The following TUBGCP5 variants were observed in gnomAD, a reference collection of about 807,000 sequenced individuals.
TUBGCP5 encodes the protein tubulin gamma complex component 5, also known as gamma-tubulin complex component 5.
A neutral mutation model predicts 134.7 loss-of-function variants in TUBGCP5; 98 were observed. That is an observed-to-expected ratio of 0.73 (90% CI 0.62 to 0.86). TUBGCP5 has a LOEUF of 0.86. TUBGCP5 is among the 40% of genes least tolerant of loss of function. The pLI, the probability that TUBGCP5 is intolerant of heterozygous loss-of-function variation, is 0.00. For missense variants in TUBGCP5, 1,150 were observed against 1,244.8 expected, an observed-to-expected ratio of 0.92 and a Z score of 1.15; for synonymous variants, 456 against 431.4, an observed-to-expected ratio of 1.06 and a Z score of -0.71.
chr15:23,006,425 G>A lies in TUBGCP5; in HGVS notation c.2328-73C>T. On this transcript the variant is annotated intron_variant, in intron 16 of 22. Coordinates refer to ENST00000615383, the MANE Select transcript of TUBGCP5 (RefSeq NM_052903.6). ...CAAAAATGCTCTTTTAAAATAATTGGTATTTCATTTACATAATATTCCCCA... is the reference window on the plus strand; with the variant it reads ...CAAAAATGCTCTTTTAAAATAATTGATATTTCATTTACATAATATTCCCCA... The A allele has an allele frequency of 6.7e-6, 7 of 1,040,956 alleles. 1 individual carries two copies. Among genetic ancestry groups the A allele is most frequent in the South Asian group, 1.5e-5 (1 of 67,664 alleles). 64.5% of individuals were successfully genotyped at this position (1,040,956 alleles called of 1,614,324 possible). A position where few individuals can be genotyped will look rare whatever the true frequency, so the allele number is the denominator to read the frequency against.
intron 1 of TUBGCP5, among the ~76,000 whole-genome samples, chr15:23,038,882 C>T (rs913347562): frequency 5.3e-5 from 8 of 152,074 alleles, no homozygotes; most frequent in Admixed American, 5.2e-4. Flanking sequence ...AGAGATGCAG[C>T]ATTCTAGCTG....
At chr15:23,008,561 AT>A (rs1445306639) in intron 16 of TUBGCP5, 137 bp downstream of exon 16, 1 of 1,171,482 alleles carries the variant, frequency 8.5e-7, no homozygotes, top group Non-Finnish European at 1.2e-6. Context: ...CCTGGCCTCC[AT>A]TTTCTAATAA....
chr15:22,994,723 G>C (rs532385358), downstream of TUBGCP5, among the ~76,000 whole-genome samples: 41 of 152,322 alleles, frequency 2.7e-4, no homozygotes, highest in African/African-American at 8.7e-4. Context: ...TAAACACCTA[G>C]GAGTGGGATT....
At chr15:22,995,580 A>C (rs2064030817), downstream of TUBGCP5, among the ~76,000 whole-genome samples, 1 of 151,656 alleles carries the variant, frequency 6.6e-6, no homozygotes, top group South Asian at 2.1e-4. Flanking sequence ...GTCTCAAAAA[A>C]AAAAAAAAAC....
intron 3 of TUBGCP5, among the ~76,000 whole-genome samples, chr15:23,034,405 A>C (rs2066469974): frequency 6.6e-6 from 1 of 152,236 alleles, no homozygotes; most frequent in African/African-American, 2.4e-5. Context: ...TAATATGCTA[A>C]GAGTGCTAAT....
intron 23 of TUBGCP5, among the ~76,000 whole-genome samples, chr15:22,985,100 T>C (rs539525675): frequency 6.6e-6 from 1 of 152,324 alleles, no homozygotes; most frequent in Admixed American, 6.5e-5. Flanking sequence ...TGGAAGTCTT[T>C]TATAAAATTC....
At chr15:22,991,247 A>G (rs2063834949) in intron 23 of TUBGCP5, among the ~76,000 whole-genome samples, 1 of 151,986 alleles carries the variant, frequency 6.6e-6, no homozygotes, top group Non-Finnish European at 1.5e-5. Flanking sequence ...ACAGGCGCAC[A>G]CCACCACACC....
rs1433411684 is a variant in TUBGCP5, at chr15:23,039,379, C to A, written c.146+19G>T. On this transcript the variant is annotated intron_variant, in intron 1 of 22. Coordinates refer to ENST00000615383, the MANE Select transcript of TUBGCP5 (RefSeq NM_052903.6). ...TCCGGGCTGTGGCCGGGAACCCGCC[C>A]GCGCGCCGTGCCCCACACCTGAAGT... is the stretch of plus-strand genomic sequence containing the variant. The A allele has an allele frequency of 1.4e-6, 2 of 1,416,060 alleles. No homozygotes were observed. The highest frequency in any genetic ancestry group is 5.2e-5 in the Admixed American group (2 of 38,428). 87.7% of individuals were successfully genotyped at this position (1,416,060 alleles called of 1,614,324 possible).
At position 23,000,584 on chromosome 15, in the gene TUBGCP5, C is replaced by T. The variant is rs907352347; in HGVS notation, c.3013G>A (p.Gly1005Arg). The T allele has an allele frequency of 6.2e-7, 1 of 1,611,896 alleles. No homozygotes were observed. Among genetic ancestry groups the T allele is most frequent in the African/African-American group, 1.3e-5 (1 of 74,874 alleles). ...VTILNKAVCRGSFPHLESLAL... is the reference protein window; with the variant it reads ...VTILNKAVCRRSFPHLESLAL... ...ATATACTCACAATGGGGAAAGGATCCTCTACAGACGGCTTTGTTTAAAATG... is the reference window on the plus strand; with the variant it reads ...ATATACTCACAATGGGGAAAGGATCTTCTACAGACGGCTTTGTTTAAAATG... The change falls in exon 22 of 23, where the codon GGA (glycine) becomes AGA (arginine). Residue 1005 changes from glycine to arginine, a missense_variant. Around this residue, in one of 2 missense-constraint regions of TUBGCP5, gnomAD observed 697 missense variants for 850.1 expected, o/e 0.82. Transcript: ENST00000615383.
chr15:23,028,502 A>G (rs2066111398), intron 6 of TUBGCP5, among the ~76,000 whole-genome samples: 1 of 152,146 alleles, frequency 6.6e-6, no homozygotes, highest in African/African-American at 2.4e-5. Flanking sequence ...CAGAAAATCT[A>G]TCGATGCATT....
chr15:22,997,608 T>C (rs1476212908), downstream of TUBGCP5, among the ~76,000 whole-genome samples: 1 of 150,302 alleles, frequency 6.7e-6, no homozygotes, highest in Admixed American at 6.6e-5. Context: ...AGCTTTCATA[T>C]TTTTTTTCTT....
chr15:22,999,593 G>T lies in TUBGCP5; in HGVS notation c.*227C>A. 1 of 546,364 alleles carries T rather than the reference G, an allele frequency of 1.8e-6. No homozygotes were observed. The highest frequency in any genetic ancestry group is 3.3e-6 in the Non-Finnish European group (1 of 304,394). 33.8% of individuals were successfully genotyped at this position (546,364 alleles called of 1,614,324 possible). ...ATTTTGTATTTTTGGTAGACACCGGGTTTCACCATGTTGCCCAGGCTGGCC... is the reference window on the plus strand; with the variant it reads ...ATTTTGTATTTTTGGTAGACACCGGTTTTCACCATGTTGCCCAGGCTGGCC... On this transcript the variant is annotated 3_prime_UTR_variant, in exon 23 of 23. Transcript: ENST00000615383.
downstream of TUBGCP5, among the ~76,000 whole-genome samples, chr15:22,994,646 T>C (rs1382158988): frequency 1.3e-5 from 2 of 152,206 alleles, no homozygotes; most frequent in African/African-American, 4.8e-5. Context: ...TTGGCACTTA[T>C]TCGTAAAGCC....
At chr15:23,008,505 G>A (rs994544196) in intron 16 of TUBGCP5, 194 bp downstream of exon 16, 10 of 669,886 alleles carry the variant, frequency 1.5e-5, no homozygotes, top group East Asian at 3.0e-5. Flanking sequence ...GTGATCCACC[G>A]CCTCTGCCTC....
At chr15:23,014,265 C>T (rs1463027948) in intron 13 of TUBGCP5, among the ~76,000 whole-genome samples, 1 of 152,208 alleles carries the variant, frequency 6.6e-6, no homozygotes, top group African/African-American at 2.4e-5. Flanking sequence ...GGTCAGCATT[C>T]AGGGTCTGAG....
At chr15:23,004,025 C>A in intron 20 of TUBGCP5, 77 bp downstream of exon 20, 1 of 1,499,496 alleles carries the variant, frequency 6.7e-7, no homozygotes, top group South Asian at 1.4e-5. Flanking sequence ...GAAGCTTAAT[C>A]ATCATAAAAT....
intron 13 of TUBGCP5, among the ~76,000 whole-genome samples, chr15:23,016,026 G>A (rs2065293116): frequency 6.6e-6 from 1 of 152,128 alleles, no homozygotes; most frequent in Admixed American, 6.5e-5. Context: ...TATAGGAAAT[G>A]CCGGAAAAAT....
At chr15:23,031,472 A>ACACC (rs1169502787) in intron 5 of TUBGCP5, among the ~76,000 whole-genome samples, 2 of 152,044 alleles carry the variant, frequency 1.3e-5, no homozygotes, top group African/African-American at 4.8e-5. Flanking sequence ...GTGTACCACC[A>ACACC]CACCCAGCTA....
chr15:23,005,401 T>C (rs993344185), intron 19 of TUBGCP5, 31 bp downstream of exon 19: 2 of 1,609,470 alleles, frequency 1.2e-6, no homozygotes, highest in Non-Finnish European at 1.7e-6. Context: ...GATACGACGA[T>C]AGAACTGAAG....
Sources: gnomAD v4.1 joint callset for allele counts (sites outside exome capture counted in the v4.1 genomes callset) on GRCh38, gnomAD v4.1.1 for gene constraint, gnomAD v4.1.1 regional missense constraint, MANE v1.5 for transcripts, NCBI Gene and HGNC (gene_info 2026-07-23, HGNC 2026-07-21) for gene names.